Variants in CCDC7 observed in about 807,000 individuals in gnomAD.
CCDC7 encodes coiled-coil domain-containing protein 7.
A neutral mutation model predicts 196.9 loss-of-function variants in CCDC7; 183 were observed. The observed-to-expected ratio is 0.93, with a 90% CI of 0.82 to 1.05. The LOEUF is 1.05. Ranked by LOEUF, CCDC7 falls within the 50% of genes least tolerant of loss-of-function variation. CCDC7 has a pLI of 0.00. For synonymous variants in CCDC7, 525 were observed against 484.6 expected, an observed-to-expected ratio of 1.08 and a Z score of -1.10; for missense variants, 1,540 against 1,482.2, an observed-to-expected ratio of 1.04 and a Z score of -0.64.
intron 24 of CCDC7, among the ~76,000 whole-genome samples, chr10:32,696,116 C>A (rs559039706): frequency 6.6e-6 from 1 of 152,010 alleles, no homozygotes; most frequent in South Asian, 2.1e-4. Flanking sequence ...CTAATTGCAA[C>A]AATTCGCCTC....
In CCDC7 at chr10:32,612,130, G is replaced by A. The variant is rs60564290; in HGVS notation, c.1802-22124G>A. On this transcript the variant is annotated intron_variant, in intron 18 of 41. Transcript: ENST00000639629. The stretch of plus-strand genomic sequence containing the variant: ...TTTGCAGTTCTCCTTGAAGAGGTCC[G>A]TCACATCCCTTGTAAGTTGTATTCC... Among the ~76,000 whole-genome samples, 3 of 152,052 alleles carry A rather than the reference G, an allele frequency of 2.0e-5. No individual in the cohort carries two copies. The South Asian group carries it at 6.2e-4, about 32-fold the overall frequency.
At chr10:32,452,807 A>AT (rs1024242825) in intron 1 of CCDC7, among the ~76,000 whole-genome samples, 12 of 152,106 alleles carry the variant, frequency 7.9e-5, no homozygotes, top group Admixed American at 6.5e-4. Flanking sequence ...CTGAGTTTCT[A>AT]TTTTTTTCAC....
intron 37 of CCDC7, 115 bp from the exon 39 acceptor site, chr10:32,847,718 A>G (rs1462079355): frequency 1.5e-6 from 1 of 666,450 alleles, no homozygotes; most frequent in East Asian, 2.9e-5. Flanking sequence ...CTGTCTCTAA[A>G]AAAAAAAAGG....
At chr10:32,767,936 A>C (rs1410383688) in intron 28 of CCDC7, among the ~76,000 whole-genome samples, 1 of 152,090 alleles carries the variant, frequency 6.6e-6, no homozygotes, top group Non-Finnish European at 1.5e-5. Context: ...CTTTAAAAAC[A>C]CCCAGAAATT....
chr10:32,763,331 G>T (rs956655262), intron 28 of CCDC7, among the ~76,000 whole-genome samples: 1 of 151,832 alleles, frequency 6.6e-6, no homozygotes, highest in Non-Finnish European at 1.5e-5. Context: ...ACACCTATTA[G>T]GATGGCTATC....
At chr10:32,488,574 G>A (rs939695492) in intron 8 of CCDC7, among the ~76,000 whole-genome samples, 5 of 152,162 alleles carry the variant, frequency 3.3e-5, no homozygotes, top group Admixed American at 6.5e-5. Context: ...CTTCTGCGTC[G>A]CTCACGCTGG....
At chr10:32,553,149 G>A (rs894012069) in intron 13 of CCDC7, among the ~76,000 whole-genome samples, 20 of 147,398 alleles carry the variant, frequency 1.4e-4, no homozygotes, top group African/African-American at 5.0e-4. Context: ...GTTGAATTGG[G>A]TTAATTTGAC....
chr10:32,566,818 G>A (rs1363568614), intron 14 of CCDC7, among the ~76,000 whole-genome samples: 3 of 149,978 alleles, frequency 2.0e-5, no homozygotes, highest in African/African-American at 7.3e-5. Flanking sequence ...AGGCTGAGGT[G>A]GGGGGATAAC....
intron 28 of CCDC7, among the ~76,000 whole-genome samples, chr10:32,766,670 C>G (rs2078351994): frequency 6.6e-6 from 1 of 152,018 alleles, no homozygotes; most frequent in African/African-American, 2.4e-5. Context: ...TCTGAGCTGC[C>G]CATCATGAAC....
At chr10:32,619,743 C>T (rs540541001) in intron 18 of CCDC7, among the ~76,000 whole-genome samples, 262 of 152,046 alleles carry the variant, frequency 1.7e-3, no homozygotes, top group Non-Finnish European at 2.8e-3. Flanking sequence ...CAGGCTCGCA[C>T]CACCATGCCA....
intron 25 of CCDC7, among the ~76,000 whole-genome samples, chr10:32,713,336 G>C (rs116931560): frequency 0.041 from 6,307 of 152,278 alleles, 133 homozygotes; most frequent in Middle Eastern, 0.065. Flanking sequence ...AAAGGCCCAA[G>C]AAATGTCATT....
chr10:32,799,022 G>A (rs2084222993), intron 29 of CCDC7, among the ~76,000 whole-genome samples: 1 of 152,124 alleles, frequency 6.6e-6, no homozygotes, highest in African/African-American at 2.4e-5. Flanking sequence ...GTGCCTTTAG[G>A]AGCTGCTCGA....
intron 9 of CCDC7, among the ~76,000 whole-genome samples, chr10:32,497,642 A>C (rs1047586471): frequency 5.3e-5 from 8 of 152,008 alleles, no homozygotes; most frequent in African/African-American, 1.9e-4. Flanking sequence ...CCTTCATTTC[A>C]TTATGTACCC....
At chr10:32,494,116 A>G (rs1468112458) in intron 9 of CCDC7, among the ~76,000 whole-genome samples, 1 of 152,092 alleles carries the variant, frequency 6.6e-6, no homozygotes, top group Non-Finnish European at 1.5e-5. Flanking sequence ...CTTTTCCAAG[A>G]CCAATGTCAA....
chr10:32,488,534 A>G lies in CCDC7; in HGVS notation c.797-3388A>G, dbSNP rs1205754804. Among the ~76,000 whole-genome samples the G allele has an allele frequency of 5.3e-5, 8 of 152,066 alleles. No individual in the cohort carries two copies. In the East Asian group the frequency reaches 1.5e-3, roughly 29 times the overall value. On this transcript the variant is annotated intron_variant, in intron 8 of 41. Transcript: ENST00000639629. ...CACTCCCCAGTGAGATGAACCCGGTACCTCAGTTGGAAATGCAGAAATCAC... is the reference window on the plus strand; with the variant it reads ...CACTCCCCAGTGAGATGAACCCGGTGCCTCAGTTGGAAATGCAGAAATCAC...
intron 21 of CCDC7, among the ~76,000 whole-genome samples, chr10:32,682,906 A>G (rs749339803): frequency 1.6e-4 from 24 of 152,148 alleles, no homozygotes; most frequent in Non-Finnish European, 2.6e-4. Flanking sequence ...CCTTTGTTAG[A>G]TGCATAGTTT....
intron 28 of CCDC7, among the ~76,000 whole-genome samples, chr10:32,772,242 T>C (rs2079280001): frequency 1.3e-5 from 2 of 152,276 alleles, no homozygotes; most frequent in Admixed American, 1.3e-4. Context: ...CAGAAGAGTT[T>C]GTGCAGGGAG....
intron 13 of CCDC7, among the ~76,000 whole-genome samples, chr10:32,553,099 G>A (rs1312411477): frequency 7.4e-6 from 1 of 134,820 alleles, no homozygotes; most frequent in Non-Finnish European, 1.5e-5. Flanking sequence ...AGATTTCTTG[G>A]AGTCTTTTTT....
At chr10:32,846,223 T>G (rs1007499841) in intron 36 of CCDC7, among the ~76,000 whole-genome samples, 153 bp from the exon 38 acceptor site, 1 of 151,646 alleles carries the variant, frequency 6.6e-6, no homozygotes. Flanking sequence ...CAACAGTGTC[T>G]ACATGTTATT....
Sources: gnomAD v4.1 joint callset for allele counts (sites outside exome capture counted in the v4.1 genomes callset) on GRCh38, gnomAD v4.1.1 for gene constraint, MANE v1.5 for transcripts, NCBI Gene and HGNC (gene_info 2026-07-23, HGNC 2026-07-21) for gene names.